The following RASGRF1 variants were observed in gnomAD, a reference collection of about 807,000 sequenced individuals.
RASGRF1 encodes Ras protein specific guanine nucleotide releasing factor 1.
Under a neutral mutation model 138.7 loss-of-function variants are expected in RASGRF1, and 40 were observed. The observed-to-expected ratio is 0.29, with a 90% CI of 0.22 to 0.38. The LOEUF is 0.38. Among genes scored for constraint, RASGRF1 ranks in the 10% least tolerant of loss-of-function variants. RASGRF1 has a pLI of 1.00. For missense variants in RASGRF1, 1,108 were observed against 1,650.4 expected, an observed-to-expected ratio of 0.67 and a Z score of 5.69; for synonymous variants, 614 against 663.2, an observed-to-expected ratio of 0.93 and a Z score of 1.14.
intron 13 of RASGRF1, among the ~76,000 whole-genome samples, chr15:79,011,593 G>A (rs747378311): frequency 5.9e-5 from 9 of 152,134 alleles, no homozygotes; most frequent in Non-Finnish European, 1.2e-4. Flanking sequence ...GTGAACTGAC[G>A]GCTACAGCTG....
At chr15:79,070,504 G>A (rs773435145) in intron 1 of RASGRF1, among the ~76,000 whole-genome samples, 2 of 152,188 alleles carry the variant, frequency 1.3e-5, no homozygotes, top group Non-Finnish European at 2.9e-5. Context: ...ATTCCTACAT[G>A]TTTCAGATGA....
intron 5 of RASGRF1, among the ~76,000 whole-genome samples, chr15:79,043,580 T>C (rs1461185291): frequency 6.6e-6 from 1 of 152,190 alleles, no homozygotes; most frequent in African/African-American, 2.4e-5. Flanking sequence ...ACCAGGCTGC[T>C]GCTATTTTTT....
chr15:78,971,823 C>T, intron 26 of RASGRF1, 43 bp downstream of exon 26: 1 of 1,512,118 alleles, frequency 6.6e-7, no homozygotes, highest in Non-Finnish European at 9.2e-7. Context: ...TAGACAGAGC[C>T]ACTGTGAAAG....
intron 5 of RASGRF1, 121 bp from the exon 6 acceptor site, chr15:79,035,331 C>T (rs896356067): frequency 2.0e-5 from 15 of 734,752 alleles, no homozygotes; most frequent in African/African-American, 1.1e-4. Flanking sequence ...GAGACCTTAA[C>T]GTGAAAACTG....
rs1301003175 is a variant in RASGRF1, at chr15:78,991,780, C to G, written c.3042G>C (p.Lys1014Asn). The stretch of plus-strand genomic sequence containing the variant: ...CTGAGTGGTTTTCAAAGGGCTCAGC[C>G]TTCACGCCTTCAGCCTGGTTTTGAG... ...EEITQMAEGVKAEPFENHSAL... is the reference protein window; with the variant it reads ...EEITQMAEGVNAEPFENHSAL... The change falls in exon 21 of 27, where the codon AAG (lysine) becomes AAC (asparagine). Residue 1014 changes from lysine to asparagine, a missense_variant. Around this residue, in one of 3 missense-constraint regions of RASGRF1, gnomAD observed 686 missense variants for 976.7 expected, o/e 0.70. Transcript: ENST00000558480. 3.7e-6 allele frequency: 6 copies of G among 1,612,948 alleles called. No homozygotes were observed. Among genetic ancestry groups the G allele is most frequent in the Non-Finnish European group, 5.1e-6 (6 of 1,179,148 alleles).
chr15:79,020,632 G>A (rs1168479058), intron 10 of RASGRF1, among the ~76,000 whole-genome samples: 1 of 152,202 alleles, frequency 6.6e-6, no homozygotes, highest in African/African-American at 2.4e-5. Flanking sequence ...AGAGCCTCAA[G>A]GGCCCGATCC....
chr15:79,035,564 C>A (rs2057208502), intron 5 of RASGRF1, among the ~76,000 whole-genome samples: 1 of 152,230 alleles, frequency 6.6e-6, no homozygotes, highest in Non-Finnish European at 1.5e-5. Flanking sequence ...GCCTGCTGGG[C>A]CCCACACCCC....
At chr15:78,971,126 C>T (rs1400729163) in intron 26 of RASGRF1, among the ~76,000 whole-genome samples, 1 of 152,180 alleles carries the variant, frequency 6.6e-6, no homozygotes, top group Non-Finnish European at 1.5e-5. Context: ...CCAGGATTCT[C>T]CTACTCCAGT....
chr15:79,015,027 A>G (rs2056857940), intron 13 of RASGRF1, among the ~76,000 whole-genome samples: 1 of 152,112 alleles, frequency 6.6e-6, no homozygotes, highest in Non-Finnish European at 1.5e-5. Flanking sequence ...CGGGTGCACC[A>G]AAATCTCACA....
At chr15:79,017,590 G>A (rs2056897099) in intron 12 of RASGRF1, among the ~76,000 whole-genome samples, 180 bp downstream of exon 12, 1 of 152,194 alleles carries the variant, frequency 6.6e-6, no homozygotes, top group African/African-American at 2.4e-5. Flanking sequence ...CTACAAACGG[G>A]ATGGACTAGC....
chr15:78,990,353 A>G, intron 21 of RASGRF1, 80 bp from the exon 22 acceptor site: 1 of 1,052,432 alleles, frequency 9.5e-7, no homozygotes, highest in Non-Finnish European at 1.4e-6. Flanking sequence ...TTTTTATTTT[A>G]TTTTTTGGCT....
rs1025248626 is a variant in RASGRF1 at position 79,009,720 on chromosome 15, C to CT, written c.1827-3287dup. Among the ~76,000 whole-genome samples, 176 of 147,290 alleles carry CT rather than the reference C, an allele frequency of 1.2e-3. 2 individuals carry two copies. Among genetic ancestry groups the CT allele is most frequent in the Middle Eastern group, 3.5e-3 (1 of 282 alleles). On this transcript the variant is annotated intron_variant, in intron 13 of 26. Coordinates refer to ENST00000558480, the MANE Select transcript of RASGRF1 (RefSeq NM_001145648.3). The stretch of plus-strand genomic sequence containing the variant: ...CAGTGCCTCTGGCAATTCCAATATT[C>CT]TTTTTTTTTTTTCTTTTTAATTGAG...
At chr15:79,078,042 C>T (rs926340710) in intron 1 of RASGRF1, among the ~76,000 whole-genome samples, 1 of 152,134 alleles carries the variant, frequency 6.6e-6, no homozygotes, top group Non-Finnish European at 1.5e-5. Context: ...CCATCATTGA[C>T]CTTTGGGGCT....
intron 16 of RASGRF1, among the ~76,000 whole-genome samples, chr15:79,000,801 G>T (rs934767508): frequency 2.0e-5 from 3 of 152,230 alleles, no homozygotes; most frequent in African/African-American, 7.2e-5. Flanking sequence ...GTTTCTGTGT[G>T]TCTGAGCAGC....
intron 1 of RASGRF1, among the ~76,000 whole-genome samples, chr15:79,077,281 G>A (rs757788692): frequency 3.9e-5 from 6 of 152,138 alleles, no homozygotes; most frequent in Admixed American, 6.5e-5. Context: ...TGGCCTTGGG[G>A]TCTTCAACAC....
At chr15:79,004,260 G>A (rs772741461) in intron 14 of RASGRF1, 85 bp from the exon 15 acceptor site, 22 of 1,453,602 alleles carry the variant, frequency 1.5e-5, no homozygotes, top group African/African-American at 8.5e-5. Flanking sequence ...GGTGGGGCTC[G>A]GAGTGGCAGC....
At chr15:79,000,235 C>G (rs897934230) in intron 16 of RASGRF1, among the ~76,000 whole-genome samples, 4 of 152,360 alleles carry the variant, frequency 2.6e-5, no homozygotes, top group Admixed American at 6.5e-5. Context: ...AGGGCACAGG[C>G]CTGCCTGAGG....
intron 13 of RASGRF1, among the ~76,000 whole-genome samples, chr15:79,008,590 T>C (rs570993912): frequency 6.6e-6 from 1 of 152,168 alleles, no homozygotes; most frequent in Non-Finnish European, 1.5e-5. Context: ...ACAAGAGTGC[T>C]AAATTGAAGG....
At chr15:79,052,012 C>T (rs1167850654) in intron 3 of RASGRF1, among the ~76,000 whole-genome samples, 1 of 152,212 alleles carries the variant, frequency 6.6e-6, no homozygotes, top group East Asian at 1.9e-4. Flanking sequence ...TGTTTGGTTA[C>T]ATCCTGCCCC....
Sources: gnomAD v4.1 joint callset for allele counts (sites outside exome capture counted in the v4.1 genomes callset) on GRCh38, gnomAD v4.1.1 for gene constraint, gnomAD v4.1.1 regional missense constraint, MANE v1.5 for transcripts, NCBI Gene and HGNC (gene_info 2026-07-23, HGNC 2026-07-21) for gene names.